PIK3C2G: variants seen among roughly 807,000 people sequenced by gnomAD.
PIK3C2G encodes phosphatidylinositol 3-kinase C2 domain-containing subunit gamma.
In PIK3C2G, 168 loss-of-function variants were observed where a neutral mutation model predicts 181.1. The ratio of observed to expected loss-of-function variants is 0.93; its 90% CI spans 0.82 to 1.05. PIK3C2G has a LOEUF of 1.05. Ranked by LOEUF, PIK3C2G falls within the 50% of genes least tolerant of loss-of-function variation. The pLI, the probability that PIK3C2G is intolerant of heterozygous loss-of-function variation, is 0.00. For synonymous variants in PIK3C2G, 573 were observed against 592.2 expected, an observed-to-expected ratio of 0.97 and a Z score of 0.47; for missense variants, 1,869 against 1,732.8, an observed-to-expected ratio of 1.08 and a Z score of -1.40.
upstream of PIK3C2G, among the ~76,000 whole-genome samples, chr12:18,260,398 T>C (rs1182850553): frequency 6.6e-6 from 1 of 152,070 alleles, no homozygotes; most frequent in Non-Finnish European, 1.5e-5. Flanking sequence ...CAGCTCAGGT[T>C]ATTATTAAAA....
In PIK3C2G at chr12:18,479,201, C is replaced by G. The variant is rs143431641; in HGVS notation, c.2505-9248C>G. Among the ~76,000 whole-genome samples, 1,022 of 151,832 alleles carry G rather than the reference C, an allele frequency of 6.7e-3. 6 individuals are homozygous for G. Among genetic ancestry groups the G allele is most frequent in the Middle Eastern group, 0.01 (3 of 294 alleles). On this transcript the variant is annotated intron_variant, in intron 18 of 32. Transcript: ENST00000538779. ...AGCCTTTGGAAAGAAAGAAGGCAAC[C>G]TGGAGAACATGAGACTTCAGAGTGT...
intron 12 of PIK3C2G, among the ~76,000 whole-genome samples, chr12:18,369,148 G>A (rs1252687022): frequency 1.3e-5 from 2 of 152,110 alleles, no homozygotes; most frequent in African/African-American, 4.8e-5. Flanking sequence ...ACATCTCATG[G>A]CCATCAGGTA....
chr12:18,481,375 A>G (rs1262631475), intron 18 of PIK3C2G, among the ~76,000 whole-genome samples: 1 of 152,164 alleles, frequency 6.6e-6, no homozygotes, highest in East Asian at 1.9e-4. Flanking sequence ...CAGGTGCAGG[A>G]AACTTCAGGG....
intron 24 of PIK3C2G, among the ~76,000 whole-genome samples, chr12:18,511,633 T>C (rs140935584): frequency 6.6e-6 from 1 of 152,198 alleles, no homozygotes; most frequent in African/African-American, 2.4e-5. Flanking sequence ...GAAATGTCTA[T>C]TTAGGTTCTT....
intron 29 of PIK3C2G, among the ~76,000 whole-genome samples, chr12:18,589,729 A>G (rs1224844218): frequency 2.0e-5 from 3 of 152,006 alleles, no homozygotes; most frequent in Non-Finnish European, 2.9e-5. Context: ...CAGAGAATAC[A>G]ATTTGTTTAG....
At chr12:18,340,533 C>T (rs778764220) in intron 9 of PIK3C2G, among the ~76,000 whole-genome samples, 1 of 152,044 alleles carries the variant, frequency 6.6e-6, no homozygotes, top group African/African-American at 2.4e-5. Flanking sequence ...GTCAGTATAA[C>T]AAGGTAGTGA....
intron 30 of PIK3C2G, among the ~76,000 whole-genome samples, chr12:18,595,603 C>A (rs189651788): frequency 6.6e-6 from 1 of 152,044 alleles, no homozygotes; most frequent in Non-Finnish European, 1.5e-5. Flanking sequence ...TTATTTTTTT[C>A]AAATGCCAAT....
chr12:18,255,051 A>G (rs1948130385), intron 1 of PIK3C2G, among the ~76,000 whole-genome samples: 1 of 151,612 alleles, frequency 6.6e-6, no homozygotes, highest in South Asian at 2.1e-4. Context: ...CAACATGGTG[A>G]AACCCCGTCT....
rs372345350 is a variant in PIK3C2G, at chr12:18,368,839, T to C, written c.1749-2341T>C. Among the ~76,000 whole-genome samples, 25 of 152,230 alleles carry C rather than the reference T, an allele frequency of 1.6e-4. No individual in the cohort carries two copies. In the South Asian group the frequency reaches 4.8e-3, roughly 29 times the overall value. On this transcript the variant is annotated intron_variant, in intron 12 of 32. Coordinates refer to ENST00000538779, the MANE Select transcript of PIK3C2G (RefSeq NM_001288772.2). ...ATGGTCATTGAATTAAATTAACTTC[T>C]CCTTATCCCCAAGGCTGGATGCTGT...
intron 18 of PIK3C2G, among the ~76,000 whole-genome samples, chr12:18,454,784 CTTCTT>C (rs1947539318): frequency 6.6e-6 from 1 of 152,112 alleles, no homozygotes; most frequent in South Asian, 2.1e-4. Flanking sequence ...AGAAATTTCT[CTTCTT>C]AATTTGAAGA....
intron 1 of PIK3C2G, among the ~76,000 whole-genome samples, chr12:18,280,323 G>A (rs551823212): frequency 5.3e-5 from 8 of 152,080 alleles, no homozygotes; most frequent in African/African-American, 1.9e-4. Flanking sequence ...AATTACAGGT[G>A]TAATTATTAG....
intron 16 of PIK3C2G, among the ~76,000 whole-genome samples, chr12:18,413,830 T>A (rs893257941): frequency 1.3e-5 from 2 of 152,030 alleles, no homozygotes; most frequent in Admixed American, 6.6e-5. Context: ...TCAAAATAGG[T>A]TGTAGTTTTT....
At chr12:18,350,508 G>A (rs928740718) in intron 11 of PIK3C2G, among the ~76,000 whole-genome samples, 2 of 152,088 alleles carry the variant, frequency 1.3e-5, no homozygotes, top group Non-Finnish European at 1.5e-5. Flanking sequence ...TCATCAAGAC[G>A]ATGCCCTTTT....
At chr12:18,565,072 C>A (rs575694756) in intron 28 of PIK3C2G, among the ~76,000 whole-genome samples, 10 of 152,294 alleles carry the variant, frequency 6.6e-5, no homozygotes, top group African/African-American at 2.4e-4. Flanking sequence ...AGGCAAGGAA[C>A]ATTTTGTCCT....
chr12:18,395,869 A>C (rs1943859328), intron 15 of PIK3C2G, among the ~76,000 whole-genome samples: 1 of 151,428 alleles, frequency 6.6e-6, no homozygotes, highest in African/African-American at 2.4e-5. Flanking sequence ...TTAAATTTTA[A>C]GAGTATATTT....
chr12:18,723,215 A>G, the PIK3C2G span: 1 of 1,099,984 alleles, frequency 9.1e-7, no homozygotes, highest in Non-Finnish European at 1.3e-6. Flanking sequence ...TGATAACCAC[A>G]ATTCATAAAA....
intron 18 of PIK3C2G, among the ~76,000 whole-genome samples, chr12:18,448,813 T>TAC (rs1262300386): frequency 4.0e-5 from 6 of 151,622 alleles, no homozygotes; most frequent in Admixed American, 6.6e-5. Flanking sequence ...GTATATATTA[T>TAC]ACACACACAT....
intron 24 of PIK3C2G, among the ~76,000 whole-genome samples, chr12:18,524,822 C>T (rs978878512): frequency 6.6e-6 from 1 of 151,556 alleles, no homozygotes; most frequent in African/African-American, 2.4e-5. Flanking sequence ...CCTGCCTTGG[C>T]CTCCCAAAGT....
At chr12:18,348,556 C>T (rs145612695) in intron 11 of PIK3C2G, among the ~76,000 whole-genome samples, 66 of 152,126 alleles carry the variant, frequency 4.3e-4, no homozygotes, top group African/African-American at 1.6e-3. Flanking sequence ...CAAAATCATC[C>T]CAGCCATTCA....
Sources: allele counts gnomAD v4.1 joint callset (sites outside exome capture counted in the v4.1 genomes callset), GRCh38; gene constraint gnomAD v4.1.1; transcripts MANE v1.5; gene names NCBI Gene and HGNC (gene_info 2026-07-23, HGNC 2026-07-21).